Variants in RBFOX3 observed in about 807,000 individuals in gnomAD.
RBFOX3 encodes RNA binding fox-1 homolog 3.
A neutral mutation model predicts 48.7 loss-of-function variants in RBFOX3; 17 were observed. The ratio of observed to expected loss-of-function variants is 0.35; its 90% CI spans 0.24 to 0.52. The LOEUF (loss-of-function observed/expected upper bound fraction) is 0.52. Ranked by LOEUF, RBFOX3 falls within the 20% of genes least tolerant of loss-of-function variation. The pLI is 0.94. For synonymous variants in RBFOX3, 212 were observed against 209.5 expected, an observed-to-expected ratio of 1.01 and a Z score of -0.10; for missense variants, 382 against 497.5, an observed-to-expected ratio of 0.77 and a Z score of 2.21.
chr17:79,575,506 C>T (rs1422250141), intron 1 of RBFOX3, among the ~76,000 whole-genome samples: 3 of 152,134 alleles, frequency 2.0e-5, no homozygotes, highest in African/African-American at 2.4e-5. Context: ...CCAAAAGCCA[C>T]GGGAAGCCCT....
intron 1 of RBFOX3, among the ~76,000 whole-genome samples, chr17:79,506,903 A>G (rs1343336521): frequency 3.9e-5 from 6 of 152,220 alleles, no homozygotes; most frequent in Admixed American, 1.3e-4. Flanking sequence ...TTCTAGAGAC[A>G]AAGCCTCTAA....
intron 1 of RBFOX3, among the ~76,000 whole-genome samples, chr17:79,515,068 G>T (rs1200431287): frequency 6.6e-6 from 1 of 152,188 alleles, no homozygotes; most frequent in African/African-American, 2.4e-5. Flanking sequence ...GTTGGCCTCT[G>T]CCTGGGTCCC....
chr17:79,240,335 G>A (rs535480998), intron 3 of RBFOX3, among the ~76,000 whole-genome samples: 1 of 152,176 alleles, frequency 6.6e-6, no homozygotes, highest in Non-Finnish European at 1.5e-5. Flanking sequence ...CCCACTCATT[G>A]GTGGCCCTTC....
At chr17:79,121,998 C>T (rs2035872508) in intron 4 of RBFOX3, among the ~76,000 whole-genome samples, 1 of 152,162 alleles carries the variant, frequency 6.6e-6, no homozygotes, top group African/African-American at 2.4e-5. Flanking sequence ...CTGACCTCCT[C>T]CGCATTGCCC....
chr17:79,221,281 G>C (rs2606184), intron 4 of RBFOX3, among the ~76,000 whole-genome samples: 2 of 152,216 alleles, frequency 1.3e-5, no homozygotes, highest in African/African-American at 4.8e-5. Flanking sequence ...CCACCCGGGC[G>C]GTTGCCTGCT....
rs1228223628 is a variant in RBFOX3 at position 79,125,526 on chromosome 17, C to T, written c.-33-9778G>A. On this transcript the variant is annotated intron_variant, in intron 4 of 14. Transcript: ENST00000693108. ...CTGCCTGGTAAGGTCCCCCAGCCTG[C>T]GTGTGGGACAACGGGCCGGCAGGGA... Among the ~76,000 whole-genome samples, 4 of 152,230 alleles carry T rather than the reference C, an allele frequency of 2.6e-5. No homozygotes were observed. The East Asian group carries it at 7.7e-4, about 29-fold the overall frequency.
rs1234812615 is a variant in RBFOX3 at position 79,243,516 on chromosome 17, A to G, written c.-73-7711T>C. Among the ~76,000 whole-genome samples the G allele has an allele frequency of 6.6e-6, 1 of 152,120 alleles. No homozygotes were observed. Among genetic ancestry groups the G allele is most frequent in the Non-Finnish European group, 1.5e-5 (1 of 68,034 alleles). ...GTCATTTGGGACTGTGGAGTCGACCACAGTCAATTGCTTGGGTGATATATT... is the reference window on the plus strand; with the variant it reads ...GTCATTTGGGACTGTGGAGTCGACCGCAGTCAATTGCTTGGGTGATATATT... On this transcript the variant is annotated intron_variant, in intron 3 of 14. Coordinates refer to ENST00000693108, the MANE Select transcript of RBFOX3 (RefSeq NM_001350451.2). This position sits in a 1 kb window ranked among gnomAD's most constrained non-coding sequence, Gnocchi z 7.9.
chr17:79,556,482 T>C (rs1445760140), intron 1 of RBFOX3, among the ~76,000 whole-genome samples: 1 of 152,112 alleles, frequency 6.6e-6, no homozygotes, highest in Non-Finnish European at 1.5e-5. Flanking sequence ...CAGGAAGGCT[T>C]ACAGGGAGCT....
At chr17:79,563,849 G>A (rs1276286264) in intron 1 of RBFOX3, among the ~76,000 whole-genome samples, 3 of 152,030 alleles carry the variant, frequency 2.0e-5, no homozygotes, top group Non-Finnish European at 2.9e-5. Flanking sequence ...ATATTTGTTG[G>A]GTAAACCAGA....
At chr17:79,640,208 T>C in the RBFOX3 span, among the ~76,000 whole-genome samples, 4 of 152,110 alleles carry the variant, frequency 2.6e-5, no homozygotes, top group Non-Finnish European at 5.9e-5. Flanking sequence ...AGTAATCCCA[T>C]TCACAATAGC....
intron 1 of RBFOX3, chr17:79,508,707 C>T (rs1159336280): frequency 6.6e-6 from 1 of 152,250 alleles, no homozygotes; most frequent in African/African-American, 2.4e-5. Flanking sequence ...TTGGAGAGCC[C>T]ACCCGGTATA....
At chr17:79,281,145 G>T (rs2070372920) in intron 3 of RBFOX3, among the ~76,000 whole-genome samples, 1 of 152,260 alleles carries the variant, frequency 6.6e-6, no homozygotes, top group Non-Finnish European at 1.5e-5. Context: ...AGCTTCGCGT[G>T]TCTTCCAACC....
At chr17:79,179,268 G>A (rs1382470511) in intron 4 of RBFOX3, among the ~76,000 whole-genome samples, 4 of 152,332 alleles carry the variant, frequency 2.6e-5, no homozygotes, top group African/African-American at 4.8e-5. Flanking sequence ...GCCCCTCGGC[G>A]GAGCCTTTGG....
intron 2 of RBFOX3, among the ~76,000 whole-genome samples, chr17:79,378,370 G>T (rs1459924802): frequency 6.6e-6 from 1 of 152,186 alleles, no homozygotes; most frequent in African/African-American, 2.4e-5. Context: ...TCCCACTTTA[G>T]TAACACATGA....
At chr17:79,538,567 A>G (rs988934487) in intron 1 of RBFOX3, among the ~76,000 whole-genome samples, 1 of 152,222 alleles carries the variant, frequency 6.6e-6, no homozygotes, top group African/African-American at 2.4e-5. Flanking sequence ...AGGACAGTAA[A>G]GGCGGGTGGG....
intron 3 of RBFOX3, among the ~76,000 whole-genome samples, chr17:79,277,304 G>T (rs904048148): frequency 8.7e-5 from 3 of 34,622 alleles, no homozygotes; most frequent in Non-Finnish European, 2.3e-4. Flanking sequence ...ATGGTGGGGA[G>T]GGGGGGGGTA....
At position 79,115,690 on chromosome 17, in the gene RBFOX3, T is replaced by TCGG; in HGVS notation, c.25_26insCCG (p.Gln9delinsProGlu). On this transcript the variant is annotated protein_altering_variant, in exon 5 of 15. Coordinates refer to ENST00000693108, the MANE Select transcript of RBFOX3 (RefSeq NM_001350451.2). The stretch of plus-strand genomic sequence containing the variant: ...GCCGTTCTGTGGCGGAGGGGGGTAC[T>TCGG]GGGCGGGGGGGTAGGGCTGGGCCAT... 7.6e-6 allele frequency: 1 copy of TCGG among 131,270 alleles called. No individual in the cohort carries two copies. Among genetic ancestry groups the TCGG allele is most frequent in the Non-Finnish European group, 1.3e-5 (1 of 76,914 alleles). The allele number at this position is 131,270 out of a possible 1,614,324, so 8.1% of individuals were successfully genotyped here. A position where few individuals can be genotyped will look rare whatever the true frequency, so the allele number is the denominator to read the frequency against.
At chr17:79,431,757 T>C (rs1239666167) in intron 2 of RBFOX3, among the ~76,000 whole-genome samples, 1 of 152,198 alleles carries the variant, frequency 6.6e-6, no homozygotes, top group Non-Finnish European at 1.5e-5. Context: ...AGTGCTGGGA[T>C]TATAGGCGTG....
At chr17:79,425,755 G>A (rs2067239053) in intron 2 of RBFOX3, among the ~76,000 whole-genome samples, 1 of 152,014 alleles carries the variant, frequency 6.6e-6, no homozygotes, top group Non-Finnish European at 1.5e-5. Flanking sequence ...AAGGGACAGA[G>A]CGGGAGATTG....
Sources: allele counts gnomAD v4.1 joint callset (sites outside exome capture counted in the v4.1 genomes callset), GRCh38; gene constraint gnomAD v4.1.1; non-coding constraint Gnocchi (gnomAD v3.1); transcripts MANE v1.5; gene names NCBI Gene and HGNC (gene_info 2026-07-23, HGNC 2026-07-21).